Variants in RNF103 observed in about 807,000 individuals in gnomAD.
RNF103 encodes the protein ring finger protein 103.
RNF103 carries 23 observed loss-of-function variants against 66.2 expected under a neutral mutation model. The observed-to-expected ratio is 0.35, with a 90% confidence interval of 0.25 to 0.49. RNF103 has a LOEUF of 0.49. RNF103 is among the 20% of genes least tolerant of loss of function. The pLI is 0.98. For synonymous variants in RNF103, 297 were observed against 289.9 expected (o/e 1.02, Z -0.25); for missense variants, 730 against 814.7 (o/e 0.90, Z 1.27).
chr2:86,608,394 C>T (rs72934420), intron 3 of RNF103, among the ~76,000 whole-genome samples: 2,153 of 138,242 alleles, frequency 0.016, 62 homozygotes, highest in African/African-American at 0.053. Flanking sequence ...GGCTGAGACA[C>T]AAGAATCGCC....
Position 86,623,728 on chromosome 2 carries a change from A to G in RNF103, c.-842T>C, listed in dbSNP as rs1343696098. 1.6e-6 allele frequency: 2 copies of G among 1,259,540 alleles called. No individual in the cohort carries two copies. Among genetic ancestry groups the G allele is most frequent in the Admixed American group, 2.6e-5 (1 of 39,122 alleles). The allele number at this position is 1,259,540 out of a possible 1,614,324, so 78.0% of individuals were successfully genotyped here. ...GCGGCTACCCGGCTGCCTCCCGGCC[A>G]CTCAGCGCCCGTCCCGCTCGGATGG... On this transcript the variant is annotated 5_prime_UTR_variant, in exon 1 of 4. Coordinates refer to ENST00000237455, the MANE Select transcript of RNF103 (RefSeq NM_005667.4).
At chr2:86,616,186 T>C (rs933454789) in intron 2 of RNF103, among the ~76,000 whole-genome samples, 1 of 152,222 alleles carries the variant, frequency 6.6e-6, no homozygotes, top group East Asian at 1.9e-4. Context: ...GTGAGGTTTA[T>C]TACTGATCAA....
chr2:86,604,403 G>A lies in RNF103; in HGVS notation c.1498C>T (p.Leu500Phe), dbSNP rs1171239306. ...LERLAFPDLW[L>F]HPLIPTDYIK... ...TAATCAGTTGGTATCAGAGGGTGAAGCCAAAGGTCAGGGAAAGCTAAGCGC... is the reference window on the plus strand; with the variant it reads ...TAATCAGTTGGTATCAGAGGGTGAAACCAAAGGTCAGGGAAAGCTAAGCGC... Residue 500 changes from leucine to phenylalanine, a missense_variant, in exon 4 of 4, where the codon CTT (leucine) becomes TTT (phenylalanine). Physicochemically the swap from Leu to Phe is conservative, Grantham distance 22. Around this residue, in one of 3 missense-constraint regions of RNF103, gnomAD observed 355 missense variants for 351.9 expected, o/e 1.01. Transcript: ENST00000237455. The A allele has an allele frequency of 3.1e-6, 5 of 1,614,120 alleles. No individual in the cohort carries two copies. The African/African-American group carries it at 6.7e-5, about 22-fold the overall frequency.
intron 2 of RNF103, chr2:86,617,160 T>C (rs1216374505): frequency 2.0e-6 from 2 of 985,240 alleles, no homozygotes; most frequent in Non-Finnish European, 2.4e-6. Context: ...TAAAATAAAT[T>C]CTGTTCACAT....
At position 86,605,078 on chromosome 2, in the gene RNF103, T is replaced by A. The variant is rs766889810; in HGVS notation, c.823A>T (p.Ser275Cys). 6.2e-7 allele frequency: 1 copy of A among 1,613,936 alleles called. No homozygotes were observed. Among genetic ancestry groups the A allele is most frequent in the Non-Finnish European group, 8.5e-7 (1 of 1,179,978 alleles). ...FVNVENWDNK[S>C]YMTDIGIYNM... The stretch of plus-strand genomic sequence containing the variant: ...TATATGCCAATATCTGTCATATAAC[T>A]CTTGTTGTCCCAATTTTCTACATTA... The change falls in exon 4 of 4, where the codon AGT becomes TGT. Residue 275 changes from serine to cysteine, a missense_variant. Ser to Cys is a moderately radical substitution (Grantham distance 112, BLOSUM62 -1). Around this residue, in one of 3 missense-constraint regions of RNF103, gnomAD observed 327 missense variants for 369.8 expected, o/e 0.88. Transcript: ENST00000237455.
rs541370218 is a variant in RNF103 at position 86,605,581 on chromosome 2, T to C, written c.483-163A>G. On this transcript the variant is annotated intron_variant, in intron 3 of 3. Transcript: ENST00000237455. ...CTGTGAAAAACAAGCTCTGTTTTTC[T>C]AGTTTGTTTTGTATTTCTGTGTTTC... The C allele has an allele frequency of 4.6e-6, 3 of 646,896 alleles. No homozygotes were observed. In the Admixed American group the frequency reaches 1.1e-4, roughly 23 times the overall value. The allele number at this position is 646,896 out of a possible 1,614,324, so 40.1% of individuals were successfully genotyped here.
chr2:86,604,897 T>C lies in RNF103; in HGVS notation c.1004A>G (p.Asn335Ser). Residue 335 changes from asparagine (N) to serine (S), a missense_variant, in exon 4 of 4, where the codon AAT becomes AGT. Physicochemically the swap from Asn to Ser is conservative, Grantham distance 46 (BLOSUM62 1). Coordinates refer to ENST00000237455, the MANE Select transcript of RNF103 (RefSeq NM_005667.4). ...DLFVLSLVLV[N>S]LMAWMDLFIT... is the part of the protein sequence containing the mutation. ...AAATAAGTCCATCCAAGCCATAAGA[T>C]TAACTAGAACCAAGCTCAAAACAAA... The C allele has an allele frequency of 1.2e-6, 2 of 1,614,082 alleles. No homozygotes were observed. The highest frequency in any genetic ancestry group is 2.7e-5 in the African/African-American group (2 of 75,028).
rs1330538936 is a variant in RNF103 at position 86,623,523 on chromosome 2, C to T, written c.-637G>A. ...CCAGGCCCCGCCGACCGCCCAGGCT[C>T]CGCGAGAAGAGCGGCGGGCACGGCG... On this transcript the variant is annotated 5_prime_UTR_variant, in exon 1 of 4. Transcript: ENST00000237455. The T allele has an allele frequency of 2.0e-6, 2 of 984,762 alleles. No individual in the cohort carries two copies. Among genetic ancestry groups the T allele is most frequent in the Non-Finnish European group, 2.4e-6 (2 of 830,082 alleles). The allele number at this position is 984,762 out of a possible 1,614,324, so 61.0% of individuals were successfully genotyped here. A position where few individuals can be genotyped will look rare whatever the true frequency, so the allele number is the denominator to read the frequency against.
intron 2 of RNF103, chr2:86,616,752 G>A: frequency 1.0e-6 from 1 of 985,340 alleles, no homozygotes; most frequent in Non-Finnish European, 1.2e-6. Context: ...TCCATATGAT[G>A]TAACACAGCC....
At chr2:86,607,741 T>C (rs1678628996) in intron 3 of RNF103, among the ~76,000 whole-genome samples, 1 of 152,236 alleles carries the variant, frequency 6.6e-6, no homozygotes, top group Non-Finnish European at 1.5e-5. Flanking sequence ...TCTTTAATGT[T>C]TTCATTGCAC....
chr2:86,611,576 A>G (rs996741458), intron 3 of RNF103, among the ~76,000 whole-genome samples: 1 of 152,220 alleles, frequency 6.6e-6, no homozygotes, highest in Non-Finnish European at 1.5e-5. Context: ...AACATAAACA[A>G]AAACACCTCT....
intron 2 of RNF103, among the ~76,000 whole-genome samples, chr2:86,615,538 A>ATATATATATATAT (rs900412430): frequency 2.2e-5 from 3 of 137,248 alleles, no homozygotes; most frequent in Non-Finnish European, 4.7e-5. Context: ...ATATATATAT[A>ATATATATATATAT]ATATATATAC....
Position 86,604,683 on chromosome 2 carries a change from T to C in RNF103, c.1218A>G (p.Val406=), listed in dbSNP as rs746404741. 1 of 1,614,212 alleles carries C rather than the reference T, an allele frequency of 6.2e-7. No individual in the cohort carries two copies. Among genetic ancestry groups the C allele is most frequent in the Non-Finnish European group, 8.5e-7 (1 of 1,180,038 alleles). ...AAGAGTAAAACATCCAGTCTGCCCT[T>C]ACCCATGAAGCCAGTGTGGTTGTAT... ...YSNTTTLASW[V]RADWMFYSSH... is the part of the protein sequence containing the mutation. Residue 406 remains valine, a synonymous_variant, in exon 4 of 4, where the codon GTA becomes GTG. Coordinates refer to ENST00000237455, the MANE Select transcript of RNF103 (RefSeq NM_005667.4).
At chr2:86,615,257 G>T in intron 2 of RNF103, 1 of 985,094 alleles carries the variant, frequency 1.0e-6, no homozygotes, top group Non-Finnish European at 1.2e-6. Flanking sequence ...GACTGACAGA[G>T]CTACACAAAA....
chr2:86,603,953 T>C lies in RNF103; in HGVS notation c.1948A>G (p.Met650Val), dbSNP rs773218298. 2.5e-6 allele frequency: 4 copies of C among 1,614,014 alleles called. No individual in the cohort carries two copies. In the Admixed American group the frequency reaches 6.7e-5, roughly 27 times the overall value. The change falls in exon 4 of 4, where the codon ATG becomes GTG. Residue 650 changes from methionine to valine, a missense_variant. Transcript: ENST00000237455. ...GHVFHQNCIV[M>V]WLAGGRHCCP... ...CAATGTCGGCCCCCAGCCAACCACA[T>C]CACAATGCAATTCTGATGAAACACA...
intron 3 of RNF103, among the ~76,000 whole-genome samples, chr2:86,607,647 T>C (rs918956969): frequency 2.0e-5 from 3 of 152,236 alleles, no homozygotes; most frequent in Non-Finnish European, 4.4e-5. Context: ...TGACATGAAT[T>C]CTATTTTTAC....
intron 1 of RNF103, among the ~76,000 whole-genome samples, chr2:86,621,427 GTTACTCCACTTC>G (rs903105041): frequency 2.0e-4 from 30 of 152,128 alleles, no homozygotes; most frequent in Non-Finnish European, 3.8e-4. Context: ...TTTTACCCTA[GTTACTCCACTTC>G]TTCCCCCTAT....
chr2:86,613,319 A>G (rs1678874618), intron 2 of RNF103: 1 of 152,040 alleles, frequency 6.6e-6, no homozygotes, highest in Admixed American at 6.6e-5. Context: ...TTTTCCCTTT[A>G]TCTCCTAATC....
intron 2 of RNF103, 74 bp downstream of exon 2, chr2:86,620,256 C>T: frequency 1.4e-6 from 2 of 1,461,468 alleles, no homozygotes; most frequent in Non-Finnish European, 1.8e-6. Flanking sequence ...GTGTCACTGG[C>T]TGGTACATAC....
Sources: allele counts gnomAD v4.1 joint callset (sites outside exome capture counted in the v4.1 genomes callset), GRCh38; gene constraint gnomAD v4.1.1; regional missense constraint gnomAD v4.1.1; transcripts MANE v1.5; gene names NCBI Gene and HGNC (gene_info 2026-07-23, HGNC 2026-07-21).